CPNE4: variants seen among roughly 807,000 people sequenced by gnomAD.
CPNE4 encodes the protein copine 4, also known as copine-4.
CPNE4 carries 25 observed loss-of-function variants against 67.9 expected under a neutral mutation model. The observed-to-expected ratio is 0.37, with a 90% CI of 0.27 to 0.51. The LOEUF is 0.51. Among genes scored for constraint, CPNE4 ranks in the 20% least tolerant of loss-of-function variants. CPNE4 has a pLI of 0.93. For synonymous variants in CPNE4, 242 were observed against 244.9 expected, an observed-to-expected ratio of 0.99 and a Z score of 0.11; for missense variants, 464 against 690.8, an observed-to-expected ratio of 0.67 and a Z score of 3.68.
intron 1 of CPNE4, among the ~76,000 whole-genome samples, chr3:131,943,030 C>T (rs1214428524): frequency 6.6e-6 from 1 of 152,158 alleles, no homozygotes; most frequent in Non-Finnish European, 1.5e-5. Context: ...TCTGAAACCC[C>T]TGGTGTTAGA....
At chr3:131,898,383 C>G (rs6788559) in intron 2 of CPNE4, among the ~76,000 whole-genome samples, 102,129 of 151,908 alleles carry the variant, frequency 0.67, 34,721 homozygotes, top group African/African-American at 0.75. Flanking sequence ...AGTTCTTCAG[C>G]CTAAGGATGG....
intron 7 of CPNE4, among the ~76,000 whole-genome samples, chr3:131,625,607 T>C (rs2079054219): frequency 6.6e-6 from 1 of 152,330 alleles, no homozygotes; most frequent in South Asian, 2.1e-4. Context: ...CCAAAGCTGG[T>C]ACAGTAGTGC....
At chr3:131,827,068 C>A (rs1016672164) in intron 2 of CPNE4, among the ~76,000 whole-genome samples, 6 of 151,842 alleles carry the variant, frequency 4.0e-5, no homozygotes, top group Admixed American at 3.3e-4. Flanking sequence ...AAAAACAAAA[C>A]AAAACAACTT....
At chr3:131,746,014 A>G (rs2107788263) in intron 2 of CPNE4, among the ~76,000 whole-genome samples, 1 of 152,236 alleles carries the variant, frequency 6.6e-6, no homozygotes, top group South Asian at 2.1e-4. Context: ...TTAATCCACG[A>G]ACATGGCATG....
At chr3:131,733,821 A>G (rs1470431274) in intron 2 of CPNE4, among the ~76,000 whole-genome samples, 2 of 152,226 alleles carry the variant, frequency 1.3e-5, no homozygotes, top group Non-Finnish European at 2.9e-5. Flanking sequence ...CAGAGAGGTC[A>G]CCCGAGGATG....
At chr3:131,703,935 A>C (rs115842190) in intron 3 of CPNE4, among the ~76,000 whole-genome samples, 33 of 152,328 alleles carry the variant, frequency 2.2e-4, no homozygotes, top group African/African-American at 7.5e-4. Flanking sequence ...ATATTATTTG[A>C]AAAAGTGTTG....
intron 9 of CPNE4, among the ~76,000 whole-genome samples, 163 bp downstream of exon 9, chr3:131,581,416 T>C (rs1375837468): frequency 6.6e-6 from 1 of 152,212 alleles, no homozygotes; most frequent in Non-Finnish European, 1.5e-5. Context: ...TGACCACCCA[T>C]GCTTACATTT....
chr3:131,897,915 G>A (rs2088399091), intron 2 of CPNE4, among the ~76,000 whole-genome samples: 1 of 151,300 alleles, frequency 6.6e-6, no homozygotes, highest in Non-Finnish European at 1.5e-5. Context: ...AAAAGAGGAT[G>A]GAAAAAATAA....
intron 2 of CPNE4, among the ~76,000 whole-genome samples, chr3:131,726,059 G>T (rs1223999515): frequency 6.6e-6 from 1 of 152,100 alleles, no homozygotes; most frequent in Non-Finnish European, 1.5e-5. Flanking sequence ...AGTATGCTGT[G>T]GGTGCATTTG....
intron 6 of CPNE4, among the ~76,000 whole-genome samples, chr3:131,674,191 T>G (rs1355342684): frequency 1.3e-5 from 2 of 152,104 alleles, no homozygotes; most frequent in African/African-American, 4.8e-5. Flanking sequence ...ATGATCTTTT[T>G]CATGTGTTGT....
intron 7 of CPNE4, among the ~76,000 whole-genome samples, chr3:131,647,860 A>C (rs2079705390): frequency 6.6e-6 from 1 of 151,578 alleles, no homozygotes; most frequent in Non-Finnish European, 1.5e-5. Flanking sequence ...TCTCCAAATG[A>C]CTCCTTTGCT....
chr3:131,610,494 C>A (rs1310553362), intron 7 of CPNE4, among the ~76,000 whole-genome samples: 1 of 152,130 alleles, frequency 6.6e-6, no homozygotes, highest in African/African-American at 2.4e-5. Context: ...CTTGAGTGTG[C>A]AGTACTGGAA....
intron 2 of CPNE4, among the ~76,000 whole-genome samples, chr3:131,861,973 C>A (rs1010804031): frequency 2.6e-5 from 4 of 152,098 alleles, no homozygotes; most frequent in Non-Finnish European, 5.9e-5. Flanking sequence ...GTGAGGACAC[C>A]AATATTTAGA....
At chr3:131,766,877 T>C (rs2083030393) in intron 2 of CPNE4, among the ~76,000 whole-genome samples, 1 of 152,170 alleles carries the variant, frequency 6.6e-6, no homozygotes. Flanking sequence ...TTTTTCATCC[T>C]GAACATCTGC....
chr3:132,001,553 G>GAAAGAAAGAAAGAAAGAAAGAAAGAA (rs1467276159), intron 1 of CPNE4, among the ~76,000 whole-genome samples: 1 of 101,790 alleles, frequency 9.8e-6, no homozygotes, highest in African/African-American at 3.7e-5. Context: ...AAAGAAAAAA[G>GAAAGAAAGAAAGAAAGAAAGAAAGAA]AGAAAGAAAG....
chr3:131,963,744 T>C (rs965504372), intron 1 of CPNE4, among the ~76,000 whole-genome samples: 1 of 152,112 alleles, frequency 6.6e-6, no homozygotes, highest in Admixed American at 6.5e-5. Flanking sequence ...GTCACGGGCT[T>C]ATAGATAAAA....
intron 2 of CPNE4, among the ~76,000 whole-genome samples, chr3:131,868,653 A>C (rs1312761622): frequency 6.6e-6 from 1 of 152,178 alleles, no homozygotes; most frequent in African/African-American, 2.4e-5. Flanking sequence ...ATTTGCTGAA[A>C]ATTTCAATGG....
At chr3:131,916,339 T>A (rs2089182093) in intron 1 of CPNE4, among the ~76,000 whole-genome samples, 1 of 123,704 alleles carries the variant, frequency 8.1e-6, no homozygotes, top group Non-Finnish European at 1.7e-5. Context: ...ATTTTGTGTT[T>A]CCAGTTAGAA....
intron 3 of CPNE4, among the ~76,000 whole-genome samples, chr3:131,708,983 T>TATATATATATATATATATATATAC (rs1184349535): frequency 1.0e-5 from 1 of 97,440 alleles, no homozygotes; most frequent in African/African-American, 4.4e-5. Context: ...TATATATATA[T>TATATATATATATATATATATATAC]ATATATATAT....
Sources: gnomAD v4.1 joint callset for allele counts (sites outside exome capture counted in the v4.1 genomes callset) on GRCh38, gnomAD v4.1.1 for gene constraint, MANE v1.5 for transcripts, NCBI Gene and HGNC (gene_info 2026-07-23, HGNC 2026-07-21) for gene names.